The following MCTP2 variants were observed in gnomAD, a reference collection of about 807,000 sequenced individuals.
MCTP2 encodes the protein multiple C2 and transmembrane domain-containing protein 2.
MCTP2 carries 132 observed loss-of-function variants against 111.6 expected under a neutral mutation model. That is an observed-to-expected ratio of 1.18 (90% CI 1.03 to 1.37). The LOEUF (loss-of-function observed/expected upper bound fraction) is 1.37. Among genes scored for constraint, MCTP2 ranks in the 40% most tolerant of loss-of-function variants. The pLI is 0.00. For synonymous variants in MCTP2, 395 were observed against 387.7 expected (o/e 1.02, Z -0.22); for missense variants, 1,183 against 1,067.9 (o/e 1.11, Z -1.50).
At chr15:94,285,785 T>C (rs1026278732) in intron 1 of MCTP2, among the ~76,000 whole-genome samples, 2 of 152,220 alleles carry the variant, frequency 1.3e-5, no homozygotes, top group Non-Finnish European at 2.9e-5. Flanking sequence ...TCTTTTCAAA[T>C]GACTGAGATT....
At chr15:94,340,769 C>T (rs972517338) in intron 6 of MCTP2, 44 bp from the exon 7 acceptor site, 1 of 1,229,600 alleles carries the variant, frequency 8.1e-7, no homozygotes, top group African/African-American at 1.5e-5. Flanking sequence ...TCAATACAGT[C>T]CTGTCAATAA....
At chr15:94,448,599 C>T (rs929730279) in intron 19 of MCTP2, among the ~76,000 whole-genome samples, 1 of 152,158 alleles carries the variant, frequency 6.6e-6, no homozygotes, top group African/African-American at 2.4e-5. Context: ...GATCAGCCAG[C>T]ATGATGCACG....
At chr15:94,360,153 C>T (rs1256108133) in intron 10 of MCTP2, among the ~76,000 whole-genome samples, 1 of 152,200 alleles carries the variant, frequency 6.6e-6, no homozygotes, top group African/African-American at 2.4e-5. Context: ...CTCACCTCAC[C>T]CTCCACATCT....
chr15:94,245,474 G>GTA (rs1296317313), intron 1 of MCTP2, among the ~76,000 whole-genome samples: 1 of 135,464 alleles, frequency 7.4e-6, no homozygotes, highest in Non-Finnish European at 1.6e-5. Context: ...ATACATATAT[G>GTA]TATATATACA....
chr15:94,261,515 G>C (rs985812254), intron 1 of MCTP2, among the ~76,000 whole-genome samples: 1 of 152,180 alleles, frequency 6.6e-6, no homozygotes, highest in African/African-American at 2.4e-5. Context: ...AATTCTTGCA[G>C]GATGCTTCTG....
intron 19 of MCTP2, among the ~76,000 whole-genome samples, chr15:94,444,241 G>T (rs1423391739): frequency 1.3e-5 from 2 of 152,250 alleles, no homozygotes; most frequent in African/African-American, 4.8e-5. Context: ...CAGGGCAACG[G>T]ATGGGGGAAT....
chr15:94,235,828 G>T (rs2070498989), intron 1 of MCTP2, among the ~76,000 whole-genome samples: 2 of 152,214 alleles, frequency 1.3e-5, no homozygotes, highest in South Asian at 4.1e-4. Context: ...TTGCCTGGGA[G>T]AGTTTTCATC....
At chr15:94,242,671 C>A (rs545119580) in intron 1 of MCTP2, among the ~76,000 whole-genome samples, 1 of 144,890 alleles carries the variant, frequency 6.9e-6, no homozygotes, top group Non-Finnish European at 1.5e-5. Context: ...AGATGAGACA[C>A]TAGACACTGA....
At chr15:94,303,131 T>TTATA (rs373687041) in intron 2 of MCTP2, among the ~76,000 whole-genome samples, 168 of 142,440 alleles carry the variant, frequency 1.2e-3, no homozygotes, top group Middle Eastern at 3.6e-3. Flanking sequence ...TATATATAGT[T>TTATA]TATATATATA....
intron 13 of MCTP2, among the ~76,000 whole-genome samples, chr15:94,385,125 C>G (rs893842734): frequency 6.6e-6 from 1 of 152,180 alleles, no homozygotes; most frequent in Non-Finnish European, 1.5e-5. Flanking sequence ...AATGCTTTCT[C>G]CCTATCTCCT....
intron 4 of MCTP2, among the ~76,000 whole-genome samples, chr15:94,324,551 A>G (rs2076772980): frequency 6.6e-6 from 1 of 152,240 alleles, no homozygotes; most frequent in Non-Finnish European, 1.5e-5. Context: ...GGATGAAAAT[A>G]AATGAACACT....
At chr15:94,329,449 T>G (rs890907338) in intron 4 of MCTP2, among the ~76,000 whole-genome samples, 2 of 152,138 alleles carry the variant, frequency 1.3e-5, no homozygotes, top group Non-Finnish European at 2.9e-5. Context: ...ACAGGAAGCA[T>G]GATGCTGGCT....
chr15:94,292,886 A>G (rs1217279186), intron 1 of MCTP2: 1 of 152,354 alleles, frequency 6.6e-6, no homozygotes, highest in Admixed American at 6.5e-5. Flanking sequence ...ACATAGATCA[A>G]TGGAAAGGAA....
In MCTP2 at chr15:94,354,223, C is replaced by G. The variant is rs113576159; in HGVS notation, c.1006-1914C>G. Among the ~76,000 whole-genome samples the G allele has an allele frequency of 2.9e-3, 435 of 152,142 alleles. 1 individual carries two copies. Among genetic ancestry groups the G allele is most frequent in the African/African-American group, 8.2e-3 (339 of 41,518 alleles). ...TTGCCCCTTCTGTTCTGTCTCAGCACCTGCAGAACCTATGTGTGTGTGTGT... is the reference window on the plus strand; with the variant it reads ...TTGCCCCTTCTGTTCTGTCTCAGCAGCTGCAGAACCTATGTGTGTGTGTGT... On this transcript the variant is annotated intron_variant, in intron 8 of 22. Coordinates refer to ENST00000357742, the MANE Select transcript of MCTP2 (RefSeq NM_001385001.1).
chr15:94,251,750 T>A (rs1336944973), intron 1 of MCTP2, among the ~76,000 whole-genome samples: 1 of 152,178 alleles, frequency 6.6e-6, no homozygotes, highest in African/African-American at 2.4e-5. Flanking sequence ...ACTCTTCATT[T>A]TGTGTAACTG....
chr15:94,298,696 C>G lies in MCTP2; in HGVS notation c.431C>G (p.Thr144Ser), dbSNP rs956437492. The G allele has an allele frequency of 7.4e-6, 12 of 1,612,036 alleles. No homozygotes were observed. Among genetic ancestry groups the G allele is most frequent in the Middle Eastern group, 1.7e-4 (1 of 6,052 alleles). Residue 144 changes from threonine (T) to serine (S), a missense_variant, in exon 2 of 23, where the codon ACT becomes AGT. Transcript: ENST00000357742. ...AACGGCATCTTTGATCTTCAGAAAA[C>G]TTCCCTTGGAGGGGATGCACCAGAA... Reference protein sequence around the residue: ...SSNGIFDLQKTSLGGDAPEEP... With the variant: ...SSNGIFDLQKSSLGGDAPEEP...
chr15:94,417,490 T>G (rs1202247758), intron 17 of MCTP2, among the ~76,000 whole-genome samples: 1 of 151,604 alleles, frequency 6.6e-6, no homozygotes, highest in Non-Finnish European at 1.5e-5. Flanking sequence ...CACAAAAGAT[T>G]GTTTGAGTGA....
intron 4 of MCTP2, among the ~76,000 whole-genome samples, chr15:94,321,778 C>G (rs1324582169): frequency 1.3e-5 from 2 of 152,342 alleles, no homozygotes; most frequent in East Asian, 1.9e-4. Flanking sequence ...AACACAACTA[C>G]TAGTGGCCTA....
rs574123647 is a variant in MCTP2 at position 94,320,032 on chromosome 15, T to C, written c.637+4395T>C. 1.1e-3 allele frequency among the ~76,000 whole-genome samples: 165 copies of C among 152,322 alleles called. 1 individual carries two copies. Among genetic ancestry groups the C allele is most frequent in the African/African-American group, 3.8e-3 (160 of 41,566 alleles). ...TAAGCTCTGTCTCACCTCAATCTTA[T>C]AAGATTTTACCTTTATAAAACATAT... On this transcript the variant is annotated intron_variant, in intron 4 of 22. Coordinates refer to ENST00000357742, the MANE Select transcript of MCTP2 (RefSeq NM_001385001.1).
Sources: gnomAD v4.1 joint callset for allele counts (sites outside exome capture counted in the v4.1 genomes callset) on GRCh38, gnomAD v4.1.1 for gene constraint, MANE v1.5 for transcripts, NCBI Gene and HGNC (gene_info 2026-07-23, HGNC 2026-07-21) for gene names.